Variants in GRK4 observed in about 807,000 individuals in gnomAD.
GRK4 encodes G protein-coupled receptor kinase 4, also known as G protein-coupled receptor kinase 2-like.
GRK4 carries 73 observed loss-of-function variants against 77.9 expected under a neutral mutation model. The observed-to-expected ratio is 0.94, with a 90% CI of 0.78 to 1.14. The LOEUF (loss-of-function observed/expected upper bound fraction) is 1.14, where lower values mean the gene tolerates loss of function less well. Ranked by LOEUF, GRK4 falls within the 50% of genes most tolerant of loss-of-function variation. The pLI, the probability that GRK4 is intolerant of heterozygous loss-of-function variation, is 0.00. For synonymous variants in GRK4, 257 were observed against 254.4 expected (o/e 1.01, Z -0.10); for missense variants, 729 against 700.2 (o/e 1.04, Z -0.46).
intron 1 of GRK4, among the ~76,000 whole-genome samples, chr4:2,981,818 T>A (rs903820117): frequency 6.6e-6 from 1 of 152,234 alleles, no homozygotes; most frequent in Non-Finnish European, 1.5e-5. Context: ...CCTCCTGCCC[T>A]TGTTCATGGT....
At chr4:3,016,024 T>G (rs565327233) in intron 8 of GRK4, among the ~76,000 whole-genome samples, 1 of 151,170 alleles carries the variant, frequency 6.6e-6, no homozygotes, top group Non-Finnish European at 1.5e-5. Flanking sequence ...TTCTCCTGCC[T>G]CAGCCTCCCG....
chr4:3,009,509 A>G (rs942066201), intron 6 of GRK4, 139 bp from the exon 7 acceptor site: 18 of 594,644 alleles, frequency 3.0e-5, no homozygotes, highest in Non-Finnish European at 5.5e-5. Flanking sequence ...GTCCCTGAGC[A>G]CAGACACCCT....
In GRK4 at chr4:3,038,610, G is replaced by A. The variant is rs1182765931; in HGVS notation, c.1683+97G>A. On this transcript the variant is annotated intron_variant, in intron 15 of 15. Transcript: ENST00000398052. ...AAAACCTGGTACTTTTTCTGTTTGC[G>A]ATGGCTCCTACAGGCAGTTTTATAC... The A allele has an allele frequency of 5.8e-6, 8 of 1,369,410 alleles. No homozygotes were observed. The East Asian group carries it at 1.6e-4, about 28-fold the overall frequency. The allele number at this position is 1,369,410 out of a possible 1,614,324, so 84.8% of individuals were successfully genotyped here.
chr4:2,984,751 A>G (rs1723780209), intron 2 of GRK4, 143 bp downstream of exon 2: 1 of 416,156 alleles, frequency 2.4e-6, no homozygotes, highest in South Asian at 7.4e-5. Flanking sequence ...CCTCTCAGGA[A>G]AAAAAATCCT....
intron 7 of GRK4, among the ~76,000 whole-genome samples, chr4:3,013,031 G>C (rs544294178): frequency 6.6e-6 from 1 of 151,446 alleles, no homozygotes; most frequent in South Asian, 2.1e-4. Flanking sequence ...TGTAATCCCA[G>C]CTACTTGGGA....
chr4:2,971,394 C>A (rs750994762), intron 1 of GRK4, among the ~76,000 whole-genome samples: 2 of 152,170 alleles, frequency 1.3e-5, no homozygotes, highest in Non-Finnish European at 2.9e-5. Flanking sequence ...ACTGTCAGCA[C>A]CTCATGAAGC....
In GRK4 at chr4:3,038,474, A is replaced by T; in HGVS notation, c.1644A>T (p.Arg548Ser). The T allele has an allele frequency of 6.2e-7, 1 of 1,614,026 alleles. No homozygotes were observed. Among genetic ancestry groups the T allele is most frequent in the Non-Finnish European group, 8.5e-7 (1 of 1,180,010 alleles). Reference sequence around the variant, plus strand: ...AGAACATACATACCCCGGTTTCCAGACCAAACAGAGGCTTCTTCTATAGAC... The same window carrying T: ...AGAACATACATACCCCGGTTTCCAGTCCAAACAGAGGCTTCTTCTATAGAC... ...LDKNIHTPVSRPNRGFFYRLF... is the reference protein window; with the variant it reads ...LDKNIHTPVSSPNRGFFYRLF... Residue 548 changes from arginine to serine, a missense_variant, in exon 15 of 16, where the codon AGA (arginine) becomes AGT (serine). By Grantham distance (110) the Arg-to-Ser change is moderately radical (BLOSUM62 -1). Coordinates refer to ENST00000398052, the MANE Select transcript of GRK4 (RefSeq NM_182982.3).
chr4:2,969,804 A>G (rs2109391556), intron 1 of GRK4, among the ~76,000 whole-genome samples: 1 of 152,126 alleles, frequency 6.6e-6, no homozygotes, highest in African/African-American at 2.4e-5. Flanking sequence ...CAGACTCCCA[A>G]GTGGCTGGGA....
intron 10 of GRK4, among the ~76,000 whole-genome samples, chr4:3,027,046 C>T (rs549318216): frequency 7.9e-5 from 12 of 152,228 alleles, no homozygotes; most frequent in East Asian, 7.7e-4. Context: ...TCGATAATTT[C>T]GTATTTTCTT....
At chr4:2,964,648 G>A (rs60514033) in intron 1 of GRK4, among the ~76,000 whole-genome samples, 1,554 of 152,306 alleles carry the variant, frequency 0.01, 30 homozygotes, top group African/African-American at 0.036. Context: ...TGTCAAGTGT[G>A]CTTTAGCACG....
At chr4:2,965,280 G>C (rs1717225346) in intron 1 of GRK4, 1 of 703,026 alleles carries the variant, frequency 1.4e-6, no homozygotes, top group Non-Finnish European at 2.6e-6. Flanking sequence ...AGTTGGTCCA[G>C]CCCTTCAGCG....
intron 2 of GRK4, among the ~76,000 whole-genome samples, chr4:2,986,354 C>CTTTTTTTTTTGT (rs1724353387): frequency 1.4e-5 from 1 of 73,282 alleles, no homozygotes; most frequent in African/African-American, 5.6e-5. Context: ...AAGGTGTTAT[C>CTTTTTTTTTTGT]TTTTTTTTTT....
In GRK4 at chr4:3,019,748, C is replaced by T. The variant is rs185967676; in HGVS notation, c.849C>T (p.Gly283=). 1.9e-4 allele frequency: 311 copies of T among 1,614,192 alleles called. 1 individual carries two copies. The Admixed American group carries it at 5.0e-3, about 26-fold the overall frequency. Residue 283 remains glycine (G), a synonymous_variant, in exon 9 of 16, where the codon GGC becomes GGT. Coordinates refer to ENST00000398052, the MANE Select transcript of GRK4 (RefSeq NM_182982.3). The stretch of plus-strand genomic sequence containing the variant: ...ACATTTACAACCTGGGCAATCCCGG[C>T]TTTGATGAGCAGAGAGCCGTTTTCT... ...KFHIYNLGNP[G]FDEQRAVFYA...
Position 3,038,457 on chromosome 4 carries a change from C to T in GRK4, c.1627C>T (p.His543Tyr), listed in dbSNP as rs1202743000. Residue 543 changes from histidine (H) to tyrosine (Y), a missense_variant, in exon 15 of 16, where the codon CAT (histidine) becomes TAT (tyrosine). By Grantham distance (83) the His-to-Tyr change is moderately conservative. Transcript: ENST00000398052. Reference sequence around the variant, plus strand: ...GCCATTAGATCTAGACAAGAACATACATACCCCGGTTTCCAGACCAAACAG... The same window carrying T: ...GCCATTAGATCTAGACAAGAACATATATACCCCGGTTTCCAGACCAAACAG... ...ALPLDLDKNIHTPVSRPNRGF... is the reference protein window; with the variant it reads ...ALPLDLDKNIYTPVSRPNRGF... The T allele has an allele frequency of 3.7e-6, 6 of 1,613,898 alleles. No homozygotes were observed. The African/African-American group carries it at 6.7e-5, about 18-fold the overall frequency.
At position 3,037,441 on chromosome 4, in the gene GRK4, T is replaced by C; in HGVS notation, c.1475T>C (p.Leu492Pro). The C allele has an allele frequency of 6.2e-7, 1 of 1,609,314 alleles. No homozygotes were observed. The highest frequency in any genetic ancestry group is 8.5e-7 in the Non-Finnish European group (1 of 1,176,642). The change falls in exon 14 of 16, where the codon CTG becomes CCG. Residue 492 changes from leucine to proline, a missense_variant. Physicochemically the swap from Leu to Pro is moderately conservative, Grantham distance 98. Coordinates refer to ENST00000398052, the MANE Select transcript of GRK4 (RefSeq NM_182982.3). ...TTCTCGGTGGTGAAAGGGATCTACC[T>C]GGACACCGCAGATGAAGACTTCTAT... ...EQFSVVKGIY[L>P]DTADEDFYAR... is the part of the protein sequence containing the mutation.
chr4:3,010,993 G>A (rs576052274), intron 7 of GRK4, among the ~76,000 whole-genome samples: 15 of 152,220 alleles, frequency 9.9e-5, no homozygotes, highest in East Asian at 3.9e-4. Flanking sequence ...TAATCCAATC[G>A]TATGCTTGCT....
intron 4 of GRK4, among the ~76,000 whole-genome samples, chr4:3,002,139 G>C (rs1450578691): frequency 8.6e-5 from 13 of 152,040 alleles, no homozygotes; most frequent in Admixed American, 8.5e-4. Flanking sequence ...TCTGTGTTTA[G>C]GAATCTATCC....
At chr4:3,025,133 T>TGGTA (rs561186287) in intron 10 of GRK4, among the ~76,000 whole-genome samples, 2 of 151,728 alleles carry the variant, frequency 1.3e-5, no homozygotes, top group Non-Finnish European at 2.9e-5. Context: ...TAGCTGGGTG[T>TGGTA]GGTAATACAT....
intron 15 of GRK4, among the ~76,000 whole-genome samples, chr4:3,039,903 G>A (rs1488542914): frequency 6.6e-6 from 1 of 152,020 alleles, no homozygotes; most frequent in African/African-American, 2.4e-5. Context: ...TCCACACTTG[G>A]AGATGGAACC....
Sources: gnomAD v4.1 joint callset for allele counts (sites outside exome capture counted in the v4.1 genomes callset) on GRCh38, gnomAD v4.1.1 for gene constraint, MANE v1.5 for transcripts, NCBI Gene and HGNC (gene_info 2026-07-23, HGNC 2026-07-21) for gene names.